The following SLIT2 variants were observed in gnomAD, a reference collection of about 807,000 sequenced individuals.
SLIT2 encodes slit guidance ligand 2.
A neutral mutation model predicts 185.7 loss-of-function variants in SLIT2; 41 were observed. The observed-to-expected ratio is 0.22, with a 90% CI of 0.17 to 0.29. The LOEUF (loss-of-function observed/expected upper bound fraction) is 0.29, where lower values mean the gene tolerates loss of function less well. Ranked by LOEUF, SLIT2 falls within the 10% of genes least tolerant of loss-of-function variation. The probability of loss-of-function intolerance (pLI) is 1.00; values close to 1 mark genes in which losing one functional copy is unlikely to be tolerated. For synonymous variants in SLIT2, 693 were observed against 680.2 expected, an observed-to-expected ratio of 1.02 and a Z score of -0.29; for missense variants, 1,571 against 1,909.0, an observed-to-expected ratio of 0.82 and a Z score of 3.30.
intron 4 of SLIT2, among the ~76,000 whole-genome samples, chr4:20,273,649 A>G (rs1713867021): frequency 6.6e-6 from 1 of 152,176 alleles, no homozygotes. Context: ...AACACAATCA[A>G]AATGATCCAT....
At chr4:20,490,370 T>G (rs478351) in intron 8 of SLIT2, among the ~76,000 whole-genome samples, 2 of 151,876 alleles carry the variant, frequency 1.3e-5, no homozygotes, top group African/African-American at 4.8e-5. Flanking sequence ...TGATTACATA[T>G]ATACACACAC....
At chr4:20,561,197 CT>C (rs1019129144) in intron 26 of SLIT2, among the ~76,000 whole-genome samples, 2 of 151,770 alleles carry the variant, frequency 1.3e-5, no homozygotes, top group Admixed American at 6.6e-5. Context: ...CTGAATGTAC[CT>C]CATTACTTCA....
At position 20,472,278 on chromosome 4, in the gene SLIT2, A is replaced by ATATAGATCTATATATCTATATATATC. The variant is rs1560452685; in HGVS notation, c.467+4459_467+4460insGATCTATATATCTATATATATCTATA. Among the ~76,000 whole-genome samples the ATATAGATCTATATATCTATATATATC allele has an allele frequency of 4.3e-4, 14 of 32,860 alleles. 1 individual carries two copies. Among genetic ancestry groups the ATATAGATCTATATATCTATATATATC allele is most frequent in the Admixed American group, 5.2e-4 (1 of 1,916 alleles). 21.6% of individuals were successfully genotyped at this position (32,860 alleles called of 152,430 possible). On this transcript the variant is annotated intron_variant, in intron 5 of 36. Transcript: ENST00000504154. ...TAGATCTATATATAGATATATATCTATATATATAGATATATAGATATATAG... is the reference window on the plus strand; with the variant it reads ...TAGATCTATATATAGATATATATCTATATAGATCTATATATCTATATATATCTATATATAGATATATAGATATATAG...
rs77556763 is a variant in SLIT2, at chr4:20,581,177, G to A, written c.3089-8467G>A. Among the ~76,000 whole-genome samples, 686 of 152,144 alleles carry A rather than the reference G, an allele frequency of 4.5e-3. 5 individuals are homozygous for A. The highest frequency in any genetic ancestry group is 0.016 in the African/African-American group (659 of 41,498). On this transcript the variant is annotated intron_variant, in intron 29 of 36. Transcript: ENST00000504154. ...GTTGATTCCTGCCAAGGATTGTGAGGGAAATGTCTCTTCCAGGCCTGTCTA... is the reference window on the plus strand; with the variant it reads ...GTTGATTCCTGCCAAGGATTGTGAGAGAAATGTCTCTTCCAGGCCTGTCTA...
chr4:20,278,975 T>G (rs1714462290), intron 4 of SLIT2, among the ~76,000 whole-genome samples: 2 of 152,204 alleles, frequency 1.3e-5, no homozygotes, highest in Non-Finnish European at 2.9e-5. Context: ...TGCTGTGCTT[T>G]TATACGGAGA....
At chr4:20,447,842 G>A (rs1362556384) in intron 4 of SLIT2, among the ~76,000 whole-genome samples, 3 of 152,356 alleles carry the variant, frequency 2.0e-5, no homozygotes, top group East Asian at 3.9e-4. Context: ...CTTTGTGTTA[G>A]CAATAAATTG....
intron 4 of SLIT2, among the ~76,000 whole-genome samples, chr4:20,328,220 GCTT>G (rs1719756697): frequency 6.6e-6 from 1 of 152,024 alleles, no homozygotes; most frequent in African/African-American, 2.4e-5. Flanking sequence ...GAGTTCAAAA[GCTT>G]CTTTCGTAGA....
At chr4:20,494,567 G>A (rs1170078412) in intron 9 of SLIT2, among the ~76,000 whole-genome samples, 1 of 152,072 alleles carries the variant, frequency 6.6e-6, no homozygotes, top group Non-Finnish European at 1.5e-5. Context: ...ATGAGGTCAG[G>A]AGATCCAGAC....
Position 20,529,075 on chromosome 4 carries a change from A to G in SLIT2, c.1589A>G (p.His530Arg). The G allele has an allele frequency of 6.2e-7, 1 of 1,613,976 alleles. No individual in the cohort carries two copies. Among genetic ancestry groups the G allele is most frequent in the Non-Finnish European group, 8.5e-7 (1 of 1,179,880 alleles). Residue 530 changes from histidine to arginine, a missense_variant, in exon 16 of 37, where the codon CAC becomes CGC. Coordinates refer to ENST00000504154, the MANE Select transcript of SLIT2 (RefSeq NM_004787.4). ...SNQKLNKIPEHIPQYTAELRL... is the reference protein window; with the variant it reads ...SNQKLNKIPERIPQYTAELRL... ...CAAAAGCTCAACAAAATCCCGGAGC[A>G]CATTCCCCAGTACACTGCAGAGTTG...
At chr4:20,284,427 A>G (rs948678129) in intron 4 of SLIT2, among the ~76,000 whole-genome samples, 1 of 152,202 alleles carries the variant, frequency 6.6e-6, no homozygotes, top group Non-Finnish European at 1.5e-5. Flanking sequence ...TCCCTTCACC[A>G]CAGAGCAGTA....
chr4:20,593,997 T>TAC (rs950588465), intron 30 of SLIT2, among the ~76,000 whole-genome samples: 1 of 149,520 alleles, frequency 6.7e-6, no homozygotes, highest in Non-Finnish European at 1.5e-5. Flanking sequence ...TACATACATA[T>TAC]ACACACACAT....
intron 4 of SLIT2, among the ~76,000 whole-genome samples, chr4:20,273,415 C>T (rs10020488): frequency 9.9e-4 from 150 of 151,914 alleles, no homozygotes; most frequent in African/African-American, 3.5e-3. Flanking sequence ...TTAATGTCCC[C>T]AGGGTCTAGT....
At chr4:20,316,451 A>C (rs1022803286) in intron 4 of SLIT2, among the ~76,000 whole-genome samples, 1 of 151,978 alleles carries the variant, frequency 6.6e-6, no homozygotes, top group Non-Finnish European at 1.5e-5. Flanking sequence ...TACACTATAA[A>C]AATGGCTACC....
chr4:20,549,420 G>A (rs528225550), intron 24 of SLIT2, among the ~76,000 whole-genome samples: 28 of 152,074 alleles, frequency 1.8e-4, no homozygotes, highest in African/African-American at 6.3e-4. Flanking sequence ...AACTTTGAAA[G>A]AAACTTTCAA....
At chr4:20,603,870 C>T (rs1728590774) in intron 33 of SLIT2, among the ~76,000 whole-genome samples, 1 of 152,324 alleles carries the variant, frequency 6.6e-6, no homozygotes, top group East Asian at 1.9e-4. Flanking sequence ...AGAGAGTAGA[C>T]AGAATCTATA....
At chr4:20,400,953 A>C (rs540302069) in intron 4 of SLIT2, among the ~76,000 whole-genome samples, 1 of 151,880 alleles carries the variant, frequency 6.6e-6, no homozygotes, top group Non-Finnish European at 1.5e-5. Flanking sequence ...CATAGTACTT[A>C]GAAGCTAAGA....
intron 4 of SLIT2, among the ~76,000 whole-genome samples, chr4:20,416,708 G>A (rs554886382): frequency 1.4e-4 from 22 of 152,204 alleles, no homozygotes; most frequent in African/African-American, 4.8e-4. Context: ...TAATAAAGTC[G>A]AACAGAAGCT....
chr4:20,574,617 T>C (rs1725923068), intron 29 of SLIT2, among the ~76,000 whole-genome samples: 4 of 151,964 alleles, frequency 2.6e-5, no homozygotes, highest in Admixed American at 2.6e-4. Context: ...TGAAACCCTG[T>C]CTCTACTAAA....
chr4:20,307,124 T>TCCCTTCC, intron 4 of SLIT2, among the ~76,000 whole-genome samples: 2 of 25,794 alleles, frequency 7.8e-5, no homozygotes, highest in East Asian at 2.8e-3. Context: ...CTCCCTTCCC[T>TCCCTTCC]TCCCTCCCTT....
Sources: allele counts gnomAD v4.1 joint callset (sites outside exome capture counted in the v4.1 genomes callset), GRCh38; gene constraint gnomAD v4.1.1; transcripts MANE v1.5; gene names NCBI Gene and HGNC (gene_info 2026-07-23, HGNC 2026-07-21).